Variants in ITPRID2 observed in about 807,000 individuals in gnomAD.
ITPRID2 encodes the protein protein ITPRID2.
ITPRID2 carries 60 observed loss-of-function variants against 124.3 expected under a neutral mutation model. That is an observed-to-expected ratio of 0.48 (90% CI 0.39 to 0.60). The LOEUF is 0.60. ITPRID2 is among the 20% of genes least tolerant of loss of function. The pLI is 0.00. For synonymous variants in ITPRID2, 521 were observed against 542.9 expected (o/e 0.96, Z 0.56); for missense variants, 1,553 against 1,512.2 (o/e 1.03, Z -0.45).
At chr2:181,913,604 C>T (rs1574266177) in intron 9 of ITPRID2, among the ~76,000 whole-genome samples, 1 of 151,992 alleles carries the variant, frequency 6.6e-6, no homozygotes, top group Non-Finnish European at 1.5e-5. Flanking sequence ...GAGCGAATAC[C>T]GAGAGATTCT....
rs969566715 is a variant in ITPRID2, at chr2:181,892,763, G to T, written c.257+103G>T. ...CGTCCCTGTGGGTCCCGCGACCGTT[G>T]TAAGCTACAAACCGGAAAGTGAGCC... On this transcript the variant is annotated intron_variant, in intron 2 of 17. Transcript: ENST00000431877. This position sits in a 1 kb window ranked among gnomAD's most constrained non-coding sequence, Gnocchi z 5.2. The T allele has an allele frequency of 3.6e-6, 5 of 1,407,608 alleles. No individual in the cohort carries two copies. Among genetic ancestry groups the T allele is most frequent in the Admixed American group, 3.5e-5 (2 of 56,526 alleles). 87.2% of individuals were successfully genotyped at this position (1,407,608 alleles called of 1,614,324 possible).
At chr2:181,914,275 TTTA>T (rs1326695434) in intron 10 of ITPRID2, among the ~76,000 whole-genome samples, 44 of 152,366 alleles carry the variant, frequency 2.9e-4, no homozygotes, top group African/African-American at 1.1e-3. Context: ...GTTTTGCCTA[TTTA>T]ATAACTGACA....
rs1256841948 is a variant in ITPRID2 at position 181,916,392 on chromosome 2, CATG to C, written c.2755_2757del (p.Asp919del). The C allele has an allele frequency of 6.2e-7, 1 of 1,614,150 alleles. No homozygotes were observed. Among genetic ancestry groups the C allele is most frequent in the East Asian group, 2.2e-5 (1 of 44,878 alleles). ...AGAAATGCAGTTGCGAAGAGTATTACATGATATTAGAAACTCACTGCAGAATCT... is the reference window on the plus strand; with the variant it reads ...AGAAATGCAGTTGCGAAGAGTATTACATATTAGAAACTCACTGCAGAATCT... On this transcript the variant is annotated inframe_deletion, in exon 11 of 18. Transcript: ENST00000431877.
At position 181,910,809 on chromosome 2, in the gene ITPRID2, TAAG is replaced by T. The variant is rs1693546710; in HGVS notation, c.1486+841_1486+843del. On this transcript the variant is annotated intron_variant, in intron 9 of 17. Coordinates refer to ENST00000431877, the MANE Select transcript of ITPRID2 (RefSeq NM_001130445.3). This position sits in a 1 kb window ranked among gnomAD's most constrained non-coding sequence, Gnocchi z 4.1. Reference sequence around the variant, plus strand: ...TTTTTCTTTTATTGCAATATGGTATTAAGAAACAAGAGCTTCACTCTCACTCGG... The same window carrying T: ...TTTTTCTTTTATTGCAATATGGTATTAAACAAGAGCTTCACTCTCACTCGG... 6.6e-6 allele frequency among the ~76,000 whole-genome samples: 1 copy of T among 152,222 alleles called. No individual in the cohort carries two copies. The highest frequency in any genetic ancestry group is 2.4e-5 in the African/African-American group (1 of 41,530).
rs879772461 is a variant in ITPRID2, at chr2:181,906,751, TA to T, written c.1414-3136del. Among the ~76,000 whole-genome samples the T allele has an allele frequency of 9.2e-3, 1,240 of 134,844 alleles. 10 individuals are homozygous for T. Among genetic ancestry groups the T allele is most frequent in the African/African-American group, 0.022 (793 of 35,502 alleles). 88.5% of individuals were successfully genotyped at this position (134,844 alleles called of 152,430 possible). On this transcript the variant is annotated intron_variant, in intron 8 of 17. Transcript: ENST00000431877. ...GAGACCTTGTTTCAAAAAAATGAAA[TA>T]AAAAAAAAAAATACGGATATTTATC...
chr2:181,893,254 C>T (rs1691912289), intron 2 of ITPRID2: 2 of 152,772 alleles, frequency 1.3e-5, no homozygotes, highest in Admixed American at 6.5e-5. Context: ...CATGCTTTGG[C>T]AACTGGTACA....
chr2:181,904,908 A>T (rs1225156723), intron 8 of ITPRID2, among the ~76,000 whole-genome samples: 2 of 152,124 alleles, frequency 1.3e-5, no homozygotes, highest in East Asian at 3.9e-4. Flanking sequence ...AGATGATGAG[A>T]CTGCTCCTGG....
At position 181,918,664 on chromosome 2, in the gene ITPRID2, C is replaced by T; in HGVS notation, c.2854C>T (p.Pro952Ser). ...TAGTACTCAGAAATCATCTGTTCTA[C>T]CTCTTTATGAAGTAAGTTCTTTCTT... ...PYSTQKSSVL[P>S]LYENTFQELQ... is the part of the protein sequence containing the mutation. Residue 952 changes from proline (P) to serine (S), a missense_variant, in exon 12 of 18, where the codon CCT becomes TCT. By Grantham distance (74) the Pro-to-Ser change is moderately conservative. Coordinates refer to ENST00000431877, the MANE Select transcript of ITPRID2 (RefSeq NM_001130445.3). 6.2e-7 allele frequency: 1 copy of T among 1,614,084 alleles called. No homozygotes were observed.
intron 16 of ITPRID2, among the ~76,000 whole-genome samples, chr2:181,926,712 C>CAA (rs567004734): frequency 0.034 from 2,208 of 65,848 alleles, 46 homozygotes; most frequent in African/African-American, 0.078. Context: ...GAATCCATCT[C>CAA]AAAAAAAAAA....
Position 181,918,800 on chromosome 2 carries a change from T to C in ITPRID2, c.2911T>C (p.Phe971Leu). Reference sequence around the variant, plus strand: ...GGTAATGAGGCGGAGCCTGAATTTGTTTAGAACACAAATGATGGATTTAGA... The same window carrying C: ...GGTAATGAGGCGGAGCCTGAATTTGCTTAGAACACAAATGATGGATTTAGA... ...LQVMRRSLNLFRTQMMDLELA... is the reference protein window; with the variant it reads ...LQVMRRSLNLLRTQMMDLELA... The change falls in exon 13 of 18, where the codon TTT becomes CTT. Residue 971 changes from phenylalanine to leucine, a missense_variant. Physicochemically the swap from Phe to Leu is conservative, Grantham distance 22. Coordinates refer to ENST00000431877, the MANE Select transcript of ITPRID2 (RefSeq NM_001130445.3). 6.2e-7 allele frequency: 1 copy of C among 1,614,176 alleles called. No individual in the cohort carries two copies. Among genetic ancestry groups the C allele is most frequent in the African/African-American group, 1.3e-5 (1 of 75,060 alleles).
Position 181,915,214 on chromosome 2 carries a change from A to G in ITPRID2, c.1576-2A>G. On this transcript the variant is annotated splice_acceptor_variant, in intron 10 of 17. Coordinates refer to ENST00000431877, the MANE Select transcript of ITPRID2 (RefSeq NM_001130445.3). LOFTEE classifies it high-confidence loss of function. Reference sequence around the variant, plus strand: ...ATCTTTCCACCTATTTTCTTTTCACAGGTTCAGGAGTCCTTGCAGGCTATG... The same window carrying G: ...ATCTTTCCACCTATTTTCTTTTCACGGGTTCAGGAGTCCTTGCAGGCTATG... 6.2e-7 allele frequency: 1 copy of G among 1,606,086 alleles called. No individual in the cohort carries two copies.
rs746442083 is a variant in ITPRID2, at chr2:181,930,684, G to A, written c.*1137G>A. 52 of 152,390 alleles carry A rather than the reference G, an allele frequency of 3.4e-4. No homozygotes were observed. The highest frequency in any genetic ancestry group is 1.6e-4 in the Non-Finnish European group (11 of 67,964). The allele number at this position is 152,390 out of a possible 1,614,324, so 9.4% of individuals were successfully genotyped here. ...TAAATGTTTGAAATATCACACAAAGGCTGATTTCTAAAATATATATATATT... is the reference window on the plus strand; with the variant it reads ...TAAATGTTTGAAATATCACACAAAGACTGATTTCTAAAATATATATATATT... On this transcript the variant is annotated 3_prime_UTR_variant, in exon 18 of 18. Coordinates refer to ENST00000431877, the MANE Select transcript of ITPRID2 (RefSeq NM_001130445.3).
At chr2:181,913,791 CT>C (rs527554044) in intron 9 of ITPRID2, 53 bp from the exon 10 acceptor site, 16 of 1,357,360 alleles carry the variant, frequency 1.2e-5, no homozygotes, top group South Asian at 3.8e-5. Flanking sequence ...CTTATAGCCA[CT>C]TTTTTTATTT....
At chr2:181,918,430 C>A in intron 11 of ITPRID2, 168 bp from the exon 12 acceptor site, 1 of 1,443,614 alleles carries the variant, frequency 6.9e-7, no homozygotes, top group Non-Finnish European at 9.1e-7. Flanking sequence ...TACTAGGTGT[C>A]ATTGGGAACT....
intron 11 of ITPRID2, chr2:181,918,372 C>T (rs1574285777): frequency 4.6e-6 from 6 of 1,295,270 alleles, no homozygotes; most frequent in Admixed American, 3.7e-5. Context: ...TATGTTCCTT[C>T]GCCTCCTCCT....
Position 181,891,888 on chromosome 2 carries a change from CTCCCCTTCCT to C in ITPRID2, c.-174_-165del. On this transcript the variant is annotated 5_prime_UTR_variant, in exon 1 of 18. Coordinates refer to ENST00000431877, the MANE Select transcript of ITPRID2 (RefSeq NM_001130445.3). ...GAAGCGCCGGCCCTCCGCCCCTTCC[CTCCCCTTCCT>C]TCCCTCCCTCCCTCCCTGTCCCCTC... 2.7e-6 allele frequency: 1 copy of C among 368,084 alleles called. No homozygotes were observed. Among genetic ancestry groups the C allele is most frequent in the Non-Finnish European group, 5.0e-6 (1 of 198,606 alleles). The allele number at this position is 368,084 out of a possible 1,614,324, so 22.8% of individuals were successfully genotyped here. A position where few individuals can be genotyped will look rare whatever the true frequency, so the allele number is the denominator to read the frequency against.
rs571674870 is a variant in ITPRID2 at position 181,906,854 on chromosome 2, A to G, written c.1414-3045A>G. On this transcript the variant is annotated intron_variant, in intron 8 of 17. Coordinates refer to ENST00000431877, the MANE Select transcript of ITPRID2 (RefSeq NM_001130445.3). ...AATTCACGTTACTTGTGACTATACT[A>G]TACAACTTGGTGAAGGTCAGATATG... is the stretch of plus-strand genomic sequence containing the variant. Among the ~76,000 whole-genome samples the G allele has an allele frequency of 1.4e-4, 21 of 152,338 alleles. No homozygotes were observed. The South Asian group carries it at 3.3e-3, about 24-fold the overall frequency.
In ITPRID2 at chr2:181,918,300, G is replaced by A. The variant is rs891879041; in HGVS notation, c.2788-298G>A. ...TTTGCAATGGCTTCTACATTTTTGC[G>A]TTTTGATTTTGTTTTTTTTTAGTTT... On this transcript the variant is annotated intron_variant, in intron 11 of 17. Coordinates refer to ENST00000431877, the MANE Select transcript of ITPRID2 (RefSeq NM_001130445.3). 120 of 1,129,540 alleles carry A rather than the reference G, an allele frequency of 1.1e-4. 1 individual carries two copies. The Admixed American group carries it at 1.3e-3, about 12-fold the overall frequency. 70.0% of individuals were successfully genotyped at this position (1,129,540 alleles called of 1,614,324 possible). A position where few individuals can be genotyped will look rare whatever the true frequency, so the allele number is the denominator to read the frequency against.
Position 181,919,325 on chromosome 2 carries a change from G to C in ITPRID2, c.3023G>C (p.Arg1008Thr), listed in dbSNP as rs949283800. 3 of 1,614,120 alleles carry C rather than the reference G, an allele frequency of 1.9e-6. No individual in the cohort carries two copies. The highest frequency in any genetic ancestry group is 1.7e-6 in the Non-Finnish European group (2 of 1,180,030). Residue 1008 changes from arginine to threonine, a missense_variant, in exon 14 of 18, where the codon AGA becomes ACA. Physicochemically the swap from Arg to Thr is moderately conservative, Grantham distance 71 (BLOSUM62 -1). Transcript: ENST00000431877. This position sits in a 1 kb window ranked among gnomAD's most constrained non-coding sequence, Gnocchi z 4.2. ...RFEVDQLQGLRNSVRMELQDL... is the reference protein window; with the variant it reads ...RFEVDQLQGLTNSVRMELQDL... ...GAAGTTGATCAGCTCCAGGGTTTGA[G>C]AAATTCAGTCCGAATGGAACTTCAG... is the stretch of plus-strand genomic sequence containing the variant.
Sources: allele counts gnomAD v4.1 joint callset (sites outside exome capture counted in the v4.1 genomes callset), GRCh38; gene constraint gnomAD v4.1.1; non-coding constraint Gnocchi (gnomAD v3.1); transcripts MANE v1.5; gene names NCBI Gene and HGNC (gene_info 2026-07-23, HGNC 2026-07-21).